The following VWF variants were observed in gnomAD, a reference collection of about 807,000 sequenced individuals.
The protein encoded by VWF is von Willebrand factor, also known as Factor VIII related antigen.
A neutral mutation model predicts 308.6 loss-of-function variants in VWF; 176 were observed. The observed-to-expected ratio is 0.57, with a 90% CI of 0.50 to 0.65. The LOEUF (loss-of-function observed/expected upper bound fraction) is 0.65, where lower values mean the gene tolerates loss of function less well. VWF is among the 30% of genes least tolerant of loss of function. The pLI is 0.00. For missense variants in VWF, 3,146 were observed against 3,648.2 expected (o/e 0.86, Z 3.55); for synonymous variants, 1,385 against 1,443.4 (o/e 0.96, Z 0.92).
At position 6,095,521 on chromosome 12, in the gene VWF, C is replaced by T. The variant is rs1299804437; in HGVS notation, c.596G>A (p.Trp199Ter). ...GCTGGGAGGAGATGCCCGTTCACAC[C>T]ACTGTTCTCCACTGCTCAGAGCCCA... ...NSWALSSGEQWCERASPPSSS... is the reference protein window; with the variant it reads ...NSWALSSGEQ Residue 199 changes from tryptophan to a stop codon, truncating the protein, a stop_gained, in exon 6 of 52, where the codon TGG becomes TAG. Transcript: ENST00000261405. LOFTEE classifies it high-confidence loss of function. 1 of 1,614,134 alleles carries T rather than the reference C, an allele frequency of 6.2e-7. No individual in the cohort carries two copies. Among genetic ancestry groups the T allele is most frequent in the Non-Finnish European group, 8.5e-7 (1 of 1,180,018 alleles).
In VWF at chr12:6,018,897, G is replaced by A. The variant is rs1379438571; in HGVS notation, c.4521C>T (p.Asp1507=). The change falls in exon 28 of 52, where the codon GAC becomes GAT. Residue 1507 remains aspartate (D), a synonymous_variant. Transcript: ENST00000261405. ...LDVAFVLEGS[D]KIGEADFNRS... ...TGTTGAAGTCGGCTTCACCAATTTT[G>A]TCCGATCCTTCCAGGACGAACGCCA... 1 of 1,613,898 alleles carries A rather than the reference G, an allele frequency of 6.2e-7. No individual in the cohort carries two copies. The highest frequency in any genetic ancestry group is 8.5e-7 in the Non-Finnish European group (1 of 1,179,860).
chr12:5,998,164 G>A (rs1443560737), intron 34 of VWF, among the ~76,000 whole-genome samples: 16 of 151,932 alleles, frequency 1.1e-4, no homozygotes, highest in Admixed American at 9.2e-4. Flanking sequence ...TCAAAAAGAC[G>A]TCCAGGTAGC....
At chr12:6,106,070 G>A (rs1945240370) in intron 5 of VWF, among the ~76,000 whole-genome samples, 3 of 151,848 alleles carry the variant, frequency 2.0e-5, no homozygotes, top group South Asian at 2.1e-4. Context: ...TTGAAAGCAG[G>A]GTTTTAAAGA....
Position 5,967,489 on chromosome 12 carries a change from G to T in VWF, c.7884C>A (p.Pro2628=), listed in dbSNP as rs748622872. ...ECRKTTCNPC[P]LGYKEENNTG... is the part of the protein sequence containing the mutation. Reference sequence around the variant, plus strand: ...GTCCCCATTGAGCCTCTCTTACCAGGGGGCAGGGGTTGCAGGTGGTCTTCC... The same window carrying T: ...GTCCCCATTGAGCCTCTCTTACCAGTGGGCAGGGGTTGCAGGTGGTCTTCC... The change falls in exon 47 of 52, where the codon CCC becomes CCA. Residue 2628 remains proline, a synonymous_variant. Coordinates refer to ENST00000261405, the MANE Select transcript of VWF (RefSeq NM_000552.5). 1 of 1,614,066 alleles carries T rather than the reference G, an allele frequency of 6.2e-7. No individual in the cohort carries two copies. Among genetic ancestry groups the T allele is most frequent in the Admixed American group, 1.7e-5 (1 of 60,020 alleles).
chr12:6,022,864 G>A lies in VWF; in HGVS notation c.3414C>T (p.Asn1138=), dbSNP rs560397436. 32,494 of 536,594 alleles carry A rather than the reference G, an allele frequency of 0.061. 1,266 individuals are homozygous for A. The highest frequency in any genetic ancestry group is 0.097 in the Middle Eastern group (204 of 2,106). 33.2% of individuals were successfully genotyped at this position (536,594 alleles called of 1,614,324 possible). A position where few individuals can be genotyped will look rare whatever the true frequency, so the allele number is the denominator to read the frequency against. ...TATAGCGCCACTCACACTCATACCC[G>A]TTCTCCCGGAGATTCCTCTCCTCGC... ...QSCEERNLRE[N]GYECEWRYNS... Residue 1138 remains asparagine, a synonymous_variant, in exon 26 of 52, where the codon AAC becomes AAT. Coordinates refer to ENST00000261405, the MANE Select transcript of VWF (RefSeq NM_000552.5).
rs1944849620 is a variant in VWF, at chr12:6,076,808, G to A, written c.658-1257C>T. On this transcript the variant is annotated intron_variant, in intron 6 of 51. Coordinates refer to ENST00000261405, the MANE Select transcript of VWF (RefSeq NM_000552.5). ...AGCAAGCCTGTATAAATCTACAGTCGGGGCCAGGGGCCAGGCCTGTGGGCC... is the reference window on the plus strand; with the variant it reads ...AGCAAGCCTGTATAAATCTACAGTCAGGGCCAGGGGCCAGGCCTGTGGGCC... 2.6e-5 allele frequency among the ~76,000 whole-genome samples: 4 copies of A among 152,258 alleles called. No homozygotes were observed. In the South Asian group the frequency reaches 6.2e-4, roughly 24 times the overall value.
In VWF at chr12:6,025,972, C is replaced by T; in HGVS notation, c.3042G>A (p.Val1014=). The T allele has an allele frequency of 6.2e-7, 1 of 1,613,992 alleles. No individual in the cohort carries two copies. The highest frequency in any genetic ancestry group is 8.5e-7 in the Non-Finnish European group (1 of 1,179,880). The part of the protein sequence containing the change: ...NNDLTSSNLQ[V]EEDPVDFGNS... Reference sequence around the variant, plus strand: ...TCCCAAAGTCCACAGGGTCTTCCTCCACTTGGAGGTTGCTGCTGGTGAGGT... The same window carrying T: ...TCCCAAAGTCCACAGGGTCTTCCTCTACTTGGAGGTTGCTGCTGGTGAGGT... Residue 1014 remains valine, a synonymous_variant, in exon 23 of 52, where the codon GTG becomes GTA. Transcript: ENST00000261405.
At chr12:5,987,524 C>G (rs556442875) in intron 38 of VWF, among the ~76,000 whole-genome samples, 1 of 152,214 alleles carries the variant, frequency 6.6e-6, no homozygotes, top group South Asian at 2.1e-4. Context: ...CAGTGCCCAT[C>G]GTGGGCAGGT....
rs1464934268 is a variant in VWF at position 6,019,377 on chromosome 12, C to T, written c.4041G>A (p.Val1347=). ...AGGCCACCTGGCTGCCCGCATACTT[C>T]ACCTGGCTGGCAATGCGCCGCAGCT... ...PSELRRIASQ[V]KYAGSQVAST... Residue 1347 remains valine (V), a synonymous_variant, in exon 28 of 52, where the codon GTG becomes GTA. Coordinates refer to ENST00000261405, the MANE Select transcript of VWF (RefSeq NM_000552.5). This position sits in a 1 kb window ranked among gnomAD's most constrained non-coding sequence, Gnocchi z 5.8. The T allele has an allele frequency of 3.7e-6, 6 of 1,613,844 alleles. No homozygotes were observed. In the Admixed American group the frequency reaches 5.0e-5, roughly 13 times the overall value.
At chr12:5,952,628 T>A in intron 48 of VWF, 109 bp from the exon 49 acceptor site, 1 of 1,446,416 alleles carries the variant, frequency 6.9e-7, no homozygotes. Context: ...TGCAGAACCA[T>A]GAAACAAGAA....
chr12:6,069,136 G>A (rs986919160), intron 10 of VWF, among the ~76,000 whole-genome samples: 16 of 152,024 alleles, frequency 1.1e-4, no homozygotes, highest in East Asian at 3.9e-4. Context: ...GATTACAGGC[G>A]TGAGCCACCA....
In VWF at chr12:6,056,874, C is replaced by T. The variant is rs1457006758; in HGVS notation, c.1928G>A (p.Arg643His). ...CAGRGVRVAW[R>H]EPGRCELNCP... is the part of the protein sequence containing the mutation. ...GCACGCACCACAGCGGCCTGGCTCGCGCCACGCGACGCGCACGCCTCTCCC... is the reference window on the plus strand; with the variant it reads ...GCACGCACCACAGCGGCCTGGCTCGTGCCACGCGACGCGCACGCCTCTCCC... The change falls in exon 15 of 52, where the codon CGC (arginine) becomes CAC (histidine). Residue 643 changes from arginine to histidine, a missense_variant. Transcript: ENST00000261405. 2.0e-6 allele frequency: 3 copies of T among 1,472,744 alleles called. No homozygotes were observed. The highest frequency in any genetic ancestry group is 2.7e-5 in the East Asian group (1 of 37,306). The allele number at this position is 1,472,744 out of a possible 1,614,324, so 91.2% of individuals were successfully genotyped here.
intron 6 of VWF, among the ~76,000 whole-genome samples, chr12:6,087,443 T>C (rs191827900): frequency 0.15 from 20,724 of 142,142 alleles, 1,727 homozygotes; most frequent in East Asian, 0.41. Flanking sequence ...ACTGCAAGCT[T>C]CGCCTCCCGG....
At position 5,993,881 on chromosome 12, in the gene VWF, C is replaced by T; in HGVS notation, c.6579G>A (p.Trp2193Ter). 1 of 1,613,456 alleles carries T rather than the reference C, an allele frequency of 6.2e-7. No homozygotes were observed. Among genetic ancestry groups the T allele is most frequent in the Non-Finnish European group, 8.5e-7 (1 of 1,179,918 alleles). ...LCRTNGVCVD[W>*]RTPDFCAMSC... is the part of the protein sequence containing the mutation. ...ACTCACCACAGAAATCAGGTGTCCT[C>T]CAGTCAACGCAGACCCCGTTGGTCC... The change falls in exon 37 of 52, where the codon TGG becomes TGA. Residue 2193 changes from tryptophan (W) to a stop codon, truncating the protein, a stop_gained. Coordinates refer to ENST00000261405, the MANE Select transcript of VWF (RefSeq NM_000552.5). LOFTEE classifies it high-confidence loss of function.
chr12:6,076,223 C>A (rs999122281), intron 6 of VWF, among the ~76,000 whole-genome samples: 2 of 152,216 alleles, frequency 1.3e-5, no homozygotes, highest in Non-Finnish European at 2.9e-5. Context: ...ATGCCCTCAA[C>A]CTGATAACAC....
intron 28 of VWF, among the ~76,000 whole-genome samples, chr12:6,017,632 G>A: frequency 6.6e-6 from 1 of 151,906 alleles, no homozygotes; most frequent in South Asian, 2.1e-4. Context: ...TTTTTTTTGA[G>A]CACTTGTCAT....
Position 6,110,965 on chromosome 12 carries a change from T to C in VWF, c.224A>G (p.Asp75Gly). The C allele has an allele frequency of 6.2e-7, 1 of 1,613,898 alleles. No individual in the cohort carries two copies. Among genetic ancestry groups the C allele is most frequent in the Admixed American group, 1.7e-5 (1 of 60,008 alleles). The change falls in exon 4 of 52, where the codon GAC (aspartate) becomes GGC (glycine). Residue 75 changes from aspartate to glycine, a missense_variant. Asp to Gly is a moderately conservative substitution (Grantham distance 94). Around this residue, in one of 3 missense-constraint regions of VWF, gnomAD observed 1,304 missense variants for 1,353.0 expected, o/e 0.96. Coordinates refer to ENST00000261405, the MANE Select transcript of VWF (RefSeq NM_000552.5). ...GCTCACTCTCTTGCCATTCTGGAAG[T>C]CCCCTGAAAGAGAAAAAAGTCAATA... ...CQKRSFSIIGDFQNGKRVSLS... is the reference protein window; with the variant it reads ...CQKRSFSIIGGFQNGKRVSLS...
intron 35 of VWF, 34 bp downstream of exon 35, chr12:5,995,968 G>A (rs1943803358): frequency 2.5e-6 from 4 of 1,601,798 alleles, no homozygotes; most frequent in Middle Eastern, 2.2e-4. Context: ...ACATTCTATT[G>A]CCTTACCACG....
intron 43 of VWF, among the ~76,000 whole-genome samples, chr12:5,973,960 C>T (rs1260440600): frequency 6.6e-6 from 1 of 152,146 alleles, no homozygotes; most frequent in African/African-American, 2.4e-5. Context: ...GAGAAGCCGC[C>T]AATGCCCCTG....
Sources: allele counts gnomAD v4.1 joint callset (sites outside exome capture counted in the v4.1 genomes callset), GRCh38; gene constraint gnomAD v4.1.1; regional missense constraint gnomAD v4.1.1; non-coding constraint Gnocchi (gnomAD v3.1); transcripts MANE v1.5; gene names NCBI Gene and HGNC (gene_info 2026-07-23, HGNC 2026-07-21).